The following TMEM108 variants were observed in gnomAD, a reference collection of about 807,000 sequenced individuals.
TMEM108 encodes the protein transmembrane protein 108.
Under a neutral mutation model 35.1 loss-of-function variants are expected in TMEM108, and 12 were observed. The observed-to-expected ratio is 0.34, with a 90% CI of 0.22 to 0.55. The LOEUF (loss-of-function observed/expected upper bound fraction) is 0.55. Ranked by LOEUF, TMEM108 falls within the 20% of genes least tolerant of loss-of-function variation. TMEM108 has a pLI of 0.89. For synonymous variants in TMEM108, 287 were observed against 308.6 expected (o/e 0.93, Z 0.73); for missense variants, 680 against 753.3 (o/e 0.90, Z 1.14).
chr3:133,194,777 A>C (rs1202260349), intron 2 of TMEM108, among the ~76,000 whole-genome samples: 1 of 152,212 alleles, frequency 6.6e-6, no homozygotes, highest in Non-Finnish European at 1.5e-5. Flanking sequence ...TGAAATTGTA[A>C]CTATTTAAAT....
intron 2 of TMEM108, among the ~76,000 whole-genome samples, chr3:133,162,324 GT>G (rs1268607575): frequency 2.6e-5 from 4 of 152,016 alleles, no homozygotes; most frequent in Admixed American, 6.6e-5. Context: ...TTATTATTTT[GT>G]TTGCAACTAC....
chr3:133,268,839 G>A lies in TMEM108; in HGVS notation c.40+39488G>A, dbSNP rs541503837. ...GGAATAATGTGATAAACAGAGATTT[G>A]GAAAGCTACAAGATAATGCACATTC... On this transcript the variant is annotated intron_variant, in intron 3 of 5. Transcript: ENST00000321871. 2.0e-5 allele frequency among the ~76,000 whole-genome samples: 3 copies of A among 152,280 alleles called. No individual in the cohort carries two copies. The South Asian group carries it at 6.2e-4, about 32-fold the overall frequency.
At chr3:133,086,884 T>A (rs1943889864) in intron 2 of TMEM108, among the ~76,000 whole-genome samples, 1 of 152,186 alleles carries the variant, frequency 6.6e-6, no homozygotes. Flanking sequence ...ATGTCTCACT[T>A]CCATGGTTAC....
At chr3:133,194,051 C>G (rs1945540864) in intron 2 of TMEM108, among the ~76,000 whole-genome samples, 1 of 151,756 alleles carries the variant, frequency 6.6e-6, no homozygotes, top group African/African-American at 2.4e-5. Context: ...ATCATCCTGC[C>G]TCAGTCTCCT....
At chr3:133,345,989 T>A (rs1376902195) in intron 3 of TMEM108, among the ~76,000 whole-genome samples, 1 of 152,028 alleles carries the variant, frequency 6.6e-6, no homozygotes, top group Non-Finnish European at 1.5e-5. Flanking sequence ...TATTGCTGAA[T>A]AATATTTCAT....
chr3:133,369,692 A>G (rs990501275), intron 3 of TMEM108, among the ~76,000 whole-genome samples: 2 of 152,246 alleles, frequency 1.3e-5, no homozygotes, highest in African/African-American at 4.8e-5. Context: ...AAAGCACATC[A>G]GTAGGTAAAT....
At chr3:133,325,086 A>G (rs2071313830) in intron 3 of TMEM108, among the ~76,000 whole-genome samples, 3 of 152,178 alleles carry the variant, frequency 2.0e-5, no homozygotes, top group Non-Finnish European at 4.4e-5. Flanking sequence ...GTAAATGCCC[A>G]TCAACCAACA....
At chr3:133,050,174 G>C (rs1943386589) in intron 2 of TMEM108, among the ~76,000 whole-genome samples, 1 of 152,158 alleles carries the variant, frequency 6.6e-6, no homozygotes, top group African/African-American at 2.4e-5. Flanking sequence ...GGAATAAGGA[G>C]TTTGTGGCAA....
At chr3:133,194,323 G>GAC (rs1195063078) in intron 2 of TMEM108, among the ~76,000 whole-genome samples, 15 of 152,126 alleles carry the variant, frequency 9.9e-5, no homozygotes, top group Non-Finnish European at 1.9e-4. Context: ...AATTTCACTG[G>GAC]ACACTTCCTT....
chr3:133,104,246 T>C (rs1944122840), intron 2 of TMEM108, among the ~76,000 whole-genome samples: 1 of 152,224 alleles, frequency 6.6e-6, no homozygotes, highest in Non-Finnish European at 1.5e-5. Flanking sequence ...AATTATAGGA[T>C]ACATGTAAAA....
chr3:133,376,763 G>A (rs988908924), intron 3 of TMEM108, among the ~76,000 whole-genome samples: 14 of 152,080 alleles, frequency 9.2e-5, no homozygotes, highest in African/African-American at 2.4e-4. Flanking sequence ...AGACCCCCAC[G>A]GCTGACCCCA....
At chr3:133,112,811 G>A (rs1944242062) in intron 2 of TMEM108, among the ~76,000 whole-genome samples, 1 of 152,162 alleles carries the variant, frequency 6.6e-6, no homozygotes, top group Non-Finnish European at 1.5e-5. Context: ...GAAAGATATA[G>A]TCAGTTCTGC....
chr3:133,263,132 A>G (rs1946648807), intron 3 of TMEM108, among the ~76,000 whole-genome samples: 1 of 152,222 alleles, frequency 6.6e-6, no homozygotes, highest in African/African-American at 2.4e-5. Flanking sequence ...TATGTGTTGT[A>G]AGACTCCAGA....
intron 5 of TMEM108, among the ~76,000 whole-genome samples, chr3:133,392,320 G>A (rs535943314): frequency 4.6e-5 from 7 of 151,964 alleles, no homozygotes; most frequent in South Asian, 2.1e-4. Context: ...ACGCGACCAC[G>A]CCCGGCTAAT....
chr3:133,294,313 G>A (rs907406258), intron 3 of TMEM108, among the ~76,000 whole-genome samples: 4 of 152,236 alleles, frequency 2.6e-5, no homozygotes, highest in Admixed American at 2.0e-4. Context: ...GAAGAATTAG[G>A]TAATAAAAAG....
intron 2 of TMEM108, among the ~76,000 whole-genome samples, chr3:133,176,616 C>G (rs1280762751): frequency 1.3e-5 from 2 of 151,496 alleles, no homozygotes; most frequent in African/African-American, 4.8e-5. Flanking sequence ...TCTTTGAAAC[C>G]AACGAGAACA....
intron 3 of TMEM108, among the ~76,000 whole-genome samples, chr3:133,273,326 A>C (rs67196950): frequency 1.3e-5 from 2 of 152,142 alleles, no homozygotes; most frequent in African/African-American, 4.8e-5. Flanking sequence ...TTCCCTACCA[A>C]GTGAACACAG....
chr3:133,131,850 AC>A (rs1244977780), intron 2 of TMEM108, among the ~76,000 whole-genome samples: 1 of 152,180 alleles, frequency 6.6e-6, no homozygotes, highest in Non-Finnish European at 1.5e-5. Flanking sequence ...AAACAGCCTT[AC>A]TGCTGATAGG....
intron 3 of TMEM108, among the ~76,000 whole-genome samples, chr3:133,291,088 T>A (rs948196981): frequency 6.6e-6 from 1 of 152,218 alleles, no homozygotes; most frequent in Non-Finnish European, 1.5e-5. Context: ...GAGAATTTTT[T>A]AATCAAGCCA....
Sources: allele counts gnomAD v4.1 joint callset (sites outside exome capture counted in the v4.1 genomes callset), GRCh38; gene constraint gnomAD v4.1.1; transcripts MANE v1.5; gene names NCBI Gene and HGNC (gene_info 2026-07-23, HGNC 2026-07-21).